DPYSL3: variants seen among roughly 807,000 people sequenced by gnomAD.
DPYSL3 encodes the protein dihydropyrimidinase like 3, also known as dihydropyrimidinase-related protein 3.
Under a neutral mutation model 66.1 loss-of-function variants are expected in DPYSL3, and 16 were observed. The observed-to-expected ratio is 0.24, with a 90% CI of 0.16 to 0.37. The LOEUF (loss-of-function observed/expected upper bound fraction) is 0.37. Among genes scored for constraint, DPYSL3 ranks in the 10% least tolerant of loss-of-function variants. The pLI is 1.00. For missense variants in DPYSL3, 738 were observed against 916.2 expected (o/e 0.81, Z 2.51); for synonymous variants, 338 against 345.1 (o/e 0.98, Z 0.23).
chr5:147,509,103 G>C lies in DPYSL3; in HGVS notation c.381+375C>G, dbSNP rs72833367. ...GTTGAGATTTAATCTAGGGCCAGAG[G>C]GGGGCAAGACAATTGTGCTGTTGGC... On this transcript the variant is annotated intron_variant, in intron 1 of 13. Coordinates refer to ENST00000343218, the MANE Select transcript of DPYSL3 (RefSeq NM_001197294.2). This position sits in a 1 kb window ranked among gnomAD's most constrained non-coding sequence, Gnocchi z 5.3. 5.9e-5 allele frequency among the ~76,000 whole-genome samples: 9 copies of C among 152,080 alleles called. No homozygotes were observed. The highest frequency in any genetic ancestry group is 2.1e-4 in the South Asian group (1 of 4,824).
At chr5:147,475,127 A>G (rs1012663172) in intron 1 of DPYSL3, among the ~76,000 whole-genome samples, 1 of 152,084 alleles carries the variant, frequency 6.6e-6, no homozygotes, top group African/African-American at 2.4e-5. Context: ...GAAAACTTAC[A>G]TCCCCGCAAA....
intron 1 of DPYSL3, among the ~76,000 whole-genome samples, chr5:147,482,413 C>G (rs1019128025): frequency 6.6e-6 from 1 of 152,220 alleles, no homozygotes; most frequent in Non-Finnish European, 1.5e-5. Context: ...GGCCATTCTT[C>G]TCCATCTAGA....
At chr5:147,469,835 A>T (rs1390458417) in intron 1 of DPYSL3, among the ~76,000 whole-genome samples, 1 of 152,174 alleles carries the variant, frequency 6.6e-6, no homozygotes, top group Non-Finnish European at 1.5e-5. Flanking sequence ...TGCATACAGG[A>T]TGTTTCCACC....
chr5:147,403,457 C>T (rs1758249289), intron 8 of DPYSL3, among the ~76,000 whole-genome samples: 1 of 152,102 alleles, frequency 6.6e-6, no homozygotes, highest in South Asian at 2.1e-4. Context: ...GCTCTCCCAG[C>T]TGGGAGATCC....
At chr5:147,406,667 T>C (rs192193555) in intron 7 of DPYSL3, among the ~76,000 whole-genome samples, 14 of 152,328 alleles carry the variant, frequency 9.2e-5, no homozygotes, top group African/African-American at 2.4e-4. Context: ...TGTGTTACTC[T>C]CAAGTGGTCT....
At chr5:147,465,406 TCTC>T (rs1752996211) in intron 1 of DPYSL3, among the ~76,000 whole-genome samples, 2 of 152,142 alleles carry the variant, frequency 1.3e-5, no homozygotes, top group Admixed American at 6.5e-5. Context: ...TTCAAGCGAT[TCTC>T]CTGCCTCAGC....
intron 2 of DPYSL3, among the ~76,000 whole-genome samples, chr5:147,422,842 C>A (rs965000136): frequency 7.3e-5 from 11 of 151,576 alleles, no homozygotes; most frequent in African/African-American, 2.7e-4. Flanking sequence ...CATCAAACAC[C>A]AGGGCCTGTT....
chr5:147,447,833 C>T (rs1012435159), intron 1 of DPYSL3, among the ~76,000 whole-genome samples: 6 of 152,086 alleles, frequency 3.9e-5, no homozygotes, highest in Admixed American at 6.5e-5. Flanking sequence ...AGCAAACCTC[C>T]GTCTCAAAAA....
At chr5:147,451,643 T>G (rs145611807) in intron 1 of DPYSL3, among the ~76,000 whole-genome samples, 2,028 of 152,084 alleles carry the variant, frequency 0.013, 113 homozygotes, top group Admixed American at 0.097. Context: ...GGAAAAAAAA[T>G]ATCGGTTCTC....
At chr5:147,455,811 T>C (rs1328207099) in intron 1 of DPYSL3, among the ~76,000 whole-genome samples, 1 of 152,120 alleles carries the variant, frequency 6.6e-6, no homozygotes, top group Non-Finnish European at 1.5e-5. Context: ...TACAAGTTTC[T>C]TTGCCTTTCT....
chr5:147,503,538 C>T (rs534453041), intron 1 of DPYSL3, among the ~76,000 whole-genome samples: 14 of 152,334 alleles, frequency 9.2e-5, no homozygotes, highest in Non-Finnish European at 1.8e-4. Context: ...AGCAATCCTT[C>T]TGCCTTGGCT....
chr5:147,455,454 C>G (rs765575712), intron 1 of DPYSL3, among the ~76,000 whole-genome samples: 4 of 152,160 alleles, frequency 2.6e-5, no homozygotes, highest in Non-Finnish European at 5.9e-5. Flanking sequence ...TTGCAAAACA[C>G]AAGGGGGAAT....
At position 147,444,083 on chromosome 5, in the gene DPYSL3, A is replaced by G. The variant is rs527408820; in HGVS notation, c.382-19120T>C. Among the ~76,000 whole-genome samples the G allele has an allele frequency of 1.8e-4, 28 of 152,264 alleles. No individual in the cohort carries two copies. The South Asian group carries it at 5.6e-3, about 30-fold the overall frequency. On this transcript the variant is annotated intron_variant, in intron 1 of 13. Transcript: ENST00000343218. ...CTGGACTTGAAGTAAGTGAACTCCA[A>G]TTGGAATCAAAGTCTTGTGACTCCA...
chr5:147,502,318 AT>A (rs1316881782), intron 1 of DPYSL3, among the ~76,000 whole-genome samples: 1 of 152,042 alleles, frequency 6.6e-6, no homozygotes, highest in Non-Finnish European at 1.5e-5. Context: ...ATAAAAAATA[AT>A]TTAAACACAG....
chr5:147,484,704 C>A (rs533128088), intron 1 of DPYSL3, among the ~76,000 whole-genome samples: 1 of 152,132 alleles, frequency 6.6e-6, no homozygotes, highest in Non-Finnish European at 1.5e-5. Flanking sequence ...GTTAAAAAAT[C>A]GAGGCATATA....
At chr5:147,410,363 T>A (rs77740465) in intron 6 of DPYSL3, among the ~76,000 whole-genome samples, 1 of 152,094 alleles carries the variant, frequency 6.6e-6, no homozygotes, top group African/African-American at 2.4e-5. Flanking sequence ...ATTAGAAAAA[T>A]TTGGTGATTC....
At chr5:147,477,295 G>T (rs1374235033) in intron 1 of DPYSL3, among the ~76,000 whole-genome samples, 1 of 152,116 alleles carries the variant, frequency 6.6e-6, no homozygotes, top group African/African-American at 2.4e-5. Context: ...GAGAGAATTT[G>T]TGAGCCAGGA....
intron 1 of DPYSL3, among the ~76,000 whole-genome samples, chr5:147,456,924 C>G (rs1752861851): frequency 6.6e-6 from 1 of 152,004 alleles, no homozygotes; most frequent in Non-Finnish European, 1.5e-5. Context: ...AGACTATGGT[C>G]TCCTCTCATG....
rs377378918 is a variant in DPYSL3, at chr5:147,409,597, C to G, written c.964-801G>C. On this transcript the variant is annotated intron_variant, in intron 6 of 13. Coordinates refer to ENST00000343218, the MANE Select transcript of DPYSL3 (RefSeq NM_001197294.2). ...GTTGATGGCAAAATTCCTCAGACTT[C>G]TAGCCTCTTTATGGAAGAAGCAGGT... Among the ~76,000 whole-genome samples, 82 of 152,312 alleles carry G rather than the reference C, an allele frequency of 5.4e-4. 1 individual carries two copies. The South Asian group carries it at 0.017, about 32-fold the overall frequency.
Sources: allele counts gnomAD v4.1 joint callset (sites outside exome capture counted in the v4.1 genomes callset), GRCh38; gene constraint gnomAD v4.1.1; non-coding constraint Gnocchi (gnomAD v3.1); transcripts MANE v1.5; gene names NCBI Gene and HGNC (gene_info 2026-07-23, HGNC 2026-07-21).